Variants in SCN4A observed in about 807,000 individuals in gnomAD.
SCN4A encodes sodium channel protein type 4 subunit alpha.
A neutral mutation model predicts 162.0 loss-of-function variants in SCN4A; 83 were observed. That is an observed-to-expected ratio of 0.51 (90% CI 0.43 to 0.61). The LOEUF (loss-of-function observed/expected upper bound fraction) is 0.61. SCN4A is among the 20% of genes least tolerant of loss of function. SCN4A has a pLI of 0.00. For synonymous variants in SCN4A, 944 were observed against 985.1 expected, an observed-to-expected ratio of 0.96 and a Z score of 0.78; for missense variants, 2,196 against 2,462.5, an observed-to-expected ratio of 0.89 and a Z score of 2.29.
In SCN4A at chr17:63,972,209, T is replaced by C. The variant is rs1317709518; in HGVS notation, c.409A>G (p.Ile137Val). The C allele has an allele frequency of 1.2e-6, 2 of 1,613,416 alleles. No homozygotes were observed. Among genetic ancestry groups the C allele is most frequent in the Non-Finnish European group, 1.7e-6 (2 of 1,179,638 alleles). Reference sequence around the variant, plus strand: ...CAGTTGGTCAAGATGGTGATCATGATGAACATGCTGAACAGCGTGGGGCAG... The same window carrying C: ...CAGTTGGTCAAGATGGTGATCATGACGAACATGCTGAACAGCGTGGGGCAG... ...VLIHALFSMF[I>V]MITILTNCVF... The change falls in exon 3 of 24, where the codon ATC (isoleucine) becomes GTC (valine). Residue 137 changes from isoleucine to valine, a missense_variant. Ile to Val is a conservative substitution (Grantham distance 29). Coordinates refer to ENST00000435607, the MANE Select transcript of SCN4A (RefSeq NM_000334.4). This position sits in a 1 kb window ranked among gnomAD's most constrained non-coding sequence, Gnocchi z 4.3.
intron 13 of SCN4A, 122 bp downstream of exon 13, chr17:63,957,040 A>T: frequency 3.0e-6 from 2 of 665,178 alleles, no homozygotes; most frequent in Non-Finnish European, 5.2e-6. Context: ...CTACGGGGTT[A>T]AACCACATAA....
intron 8 of SCN4A, among the ~76,000 whole-genome samples, 163 bp from the exon 9 acceptor site, chr17:63,964,840 G>A (rs1909388892): frequency 6.6e-6 from 1 of 152,146 alleles, no homozygotes; most frequent in South Asian, 2.1e-4. Context: ...CCATGTTCTG[G>A]GGAACTTCAA....
chr17:63,949,183 C>T (rs1250601874), intron 15 of SCN4A, among the ~76,000 whole-genome samples: 2 of 152,230 alleles, frequency 1.3e-5, no homozygotes, highest in Non-Finnish European at 2.9e-5. Flanking sequence ...CACTCCTGCA[C>T]GTTGGCTCCA....
In SCN4A at chr17:63,968,369, G is replaced by A; in HGVS notation, c.704-14C>T. 1 of 1,574,310 alleles carries A rather than the reference G, an allele frequency of 6.4e-7. No individual in the cohort carries two copies. The highest frequency in any genetic ancestry group is 8.7e-7 in the Non-Finnish European group (1 of 1,156,064). On this transcript the variant is annotated splice_polypyrimidine_tract_variant and intron_variant, in intron 5 of 23. Coordinates refer to ENST00000435607, the MANE Select transcript of SCN4A (RefSeq NM_000334.4). Reference sequence around the variant, plus strand: ...TCGTCTTCAGCCCTGACCGCAGAGAGGGCAAGGATATTGGCAGGGGGCAGG... The same window carrying A: ...TCGTCTTCAGCCCTGACCGCAGAGAAGGCAAGGATATTGGCAGGGGGCAGG...
intron 13 of SCN4A, among the ~76,000 whole-genome samples, chr17:63,952,198 C>CT (rs566410650): frequency 2.6e-3 from 377 of 144,620 alleles, no homozygotes; most frequent in African/African-American, 3.7e-3. Flanking sequence ...CCTTTTTTTT[C>CT]TTTTTTTTTT....
chr17:63,968,307 G>A lies in SCN4A; in HGVS notation c.752C>T (p.Ser251Leu), dbSNP rs751884584. The A allele has an allele frequency of 2.2e-5, 36 of 1,610,488 alleles. No homozygotes were observed. The highest frequency in any genetic ancestry group is 4.0e-5 in the African/African-American group (3 of 74,856). Residue 251 changes from serine (S) to leucine (L), a missense_variant, in exon 6 of 24, where the codon TCG becomes TTG. Transcript: ENST00000435607. ...GALIQSVKKL[S>L]DVMILTVFCL... is the part of the protein sequence containing the mutation. ...GAAGACAGTGAGGATCATCACATCC[G>A]ACAGCTTTTTCACCGACTGGATCAG...
In SCN4A at chr17:63,947,622, C is replaced by T. The variant is rs576822776; in HGVS notation, c.3318+268G>A. Among the ~76,000 whole-genome samples, 9 of 152,336 alleles carry T rather than the reference C, an allele frequency of 5.9e-5. No individual in the cohort carries two copies. In the South Asian group the frequency reaches 1.9e-3, roughly 32 times the overall value. On this transcript the variant is annotated intron_variant, in intron 17 of 23. Transcript: ENST00000435607. ...TAAATAAAATGTATGAAGTAAGAAA[C>T]TCCTCCACTCCTATTGGCAGGGATG...
Position 63,964,633 on chromosome 17 carries a change from G to T in SCN4A, c.1287C>A (p.Val429=), listed in dbSNP as rs764529312. ...GGTAGAAAGAGCCCAGGAAGATGATGACCACGAAGAAGATCATGTAGGTCT... is the reference window on the plus strand; with the variant it reads ...GGTAGAAAGAGCCCAGGAAGATGATTACCACGAAGAAGATCATGTAGGTCT... ...AGKTYMIFFV[V]IIFLGSFYLI... Residue 429 remains valine, a synonymous_variant, in exon 9 of 24, where the codon GTC becomes GTA. Transcript: ENST00000435607. 2 of 1,612,494 alleles carry T rather than the reference G, an allele frequency of 1.2e-6. No homozygotes were observed. The highest frequency in any genetic ancestry group is 1.1e-5 in the South Asian group (1 of 90,768).
chr17:63,944,601 T>G lies in SCN4A; in HGVS notation c.3912+72A>C. Reference sequence around the variant, plus strand: ...AGGCAGCGTTTGTGGGTTTGTGCAATGGAGAGTGGACAAAGGAGGCAGGAG... The same window carrying G: ...AGGCAGCGTTTGTGGGTTTGTGCAAGGGAGAGTGGACAAAGGAGGCAGGAG... On this transcript the variant is annotated intron_variant, in intron 21 of 23. Transcript: ENST00000435607. This position sits in a 1 kb window ranked among gnomAD's most constrained non-coding sequence, Gnocchi z 4.3. 2.6e-6 allele frequency: 4 copies of G among 1,512,370 alleles called. No homozygotes were observed. Among genetic ancestry groups the G allele is most frequent in the Non-Finnish European group, 3.6e-6 (4 of 1,115,534 alleles). The allele number at this position is 1,512,370 out of a possible 1,614,324, so 93.7% of individuals were successfully genotyped here.
rs772552529 is a variant in SCN4A, at chr17:63,941,571, G to A, written c.4711C>T (p.Pro1571Ser). ...CAGAAGAAGCAGATGCCGATGGAGGGGTTGCCGCAGTCACCCTTGACACTG... is the reference window on the plus strand; with the variant it reads ...CAGAAGAAGCAGATGCCGATGGAGGAGTTGCCGCAGTCACCCTTGACACTG... ...GTSVKGDCGN[P>S]SIGICFFCSY... The change falls in exon 24 of 24, where the codon CCC becomes TCC. Residue 1571 changes from proline (P) to serine (S), a missense_variant. Physicochemically the swap from Pro to Ser is moderately conservative, Grantham distance 74 (BLOSUM62 -1). Transcript: ENST00000435607. This position sits in a 1 kb window ranked among gnomAD's most constrained non-coding sequence, Gnocchi z 6.2. 98 of 1,613,982 alleles carry A rather than the reference G, an allele frequency of 6.1e-5. 3 individuals are homozygous for A. The highest frequency in any genetic ancestry group is 4.3e-4 in the South Asian group (39 of 91,078).
At chr17:63,953,410 C>T (rs972516978) in intron 13 of SCN4A, among the ~76,000 whole-genome samples, 2 of 151,808 alleles carry the variant, frequency 1.3e-5, no homozygotes, top group Admixed American at 6.6e-5. Context: ...CCCATCAATA[C>T]AAGTAGAGCA....
Position 63,940,654 on chromosome 17 carries a change from C to G in SCN4A, c.*117G>C. The G allele has an allele frequency of 2.3e-6, 3 of 1,291,110 alleles. No individual in the cohort carries two copies. Among genetic ancestry groups the G allele is most frequent in the Non-Finnish European group, 3.1e-6 (3 of 955,540 alleles). 80.0% of individuals were successfully genotyped at this position (1,291,110 alleles called of 1,614,324 possible). A position where few individuals can be genotyped will look rare whatever the true frequency, so the allele number is the denominator to read the frequency against. ...AGTGTGGCCAAATCCTGTCCCCCAT[C>G]AGGGAGCCAGGCACAGTCCCAGATT... is the stretch of plus-strand genomic sequence containing the variant. On this transcript the variant is annotated 3_prime_UTR_variant, in exon 24 of 24. Coordinates refer to ENST00000435607, the MANE Select transcript of SCN4A (RefSeq NM_000334.4).
rs934752668 is a variant in SCN4A, at chr17:63,938,564, C to T, written c.*2207G>A. 2 of 152,622 alleles carry T rather than the reference C, an allele frequency of 1.3e-5. No homozygotes were observed. The highest frequency in any genetic ancestry group is 2.1e-4 in the South Asian group (1 of 4,830). 9.5% of individuals were successfully genotyped at this position (152,622 alleles called of 1,614,324 possible). A position where few individuals can be genotyped will look rare whatever the true frequency, so the allele number is the denominator to read the frequency against. On this transcript the variant is annotated 3_prime_UTR_variant, in exon 24 of 24. Coordinates refer to ENST00000435607, the MANE Select transcript of SCN4A (RefSeq NM_000334.4). ...GGGAGAAGCCACATACCAGAGGCAC[C>T]AAGGAGGGTTTATTGTAAGAACTGT... is the stretch of plus-strand genomic sequence containing the variant.
intron 10 of SCN4A, among the ~76,000 whole-genome samples, chr17:63,961,946 T>C (rs1194384493): frequency 2.0e-5 from 3 of 148,032 alleles, no homozygotes; most frequent in Non-Finnish European, 3.0e-5. Context: ...CCGCCCACAT[T>C]CCCAACTCCT....
In SCN4A at chr17:63,971,820, C is replaced by T; in HGVS notation, c.513G>A (p.Glu171=). Residue 171 remains glutamate, a synonymous_variant, in exon 4 of 24, where the codon GAG becomes GAA. Transcript: ENST00000435607. ...CTCGGGCCAGTATCTTGATGAGGGACTCAAAGGTGTAGATCCCTGTGAAGG... is the reference window on the plus strand; with the variant it reads ...CTCGGGCCAGTATCTTGATGAGGGATTCAAAGGTGTAGATCCCTGTGAAGG... The part of the protein sequence containing the change: ...EYTFTGIYTF[E]SLIKILARGF... The T allele has an allele frequency of 6.2e-7, 1 of 1,613,688 alleles. No individual in the cohort carries two copies.
In SCN4A at chr17:63,971,116, G is replaced by A. The variant is rs200926843; in HGVS notation, c.703+46C>T. On this transcript the variant is annotated intron_variant, in intron 5 of 23. Coordinates refer to ENST00000435607, the MANE Select transcript of SCN4A (RefSeq NM_000334.4). ...CAGGTTCCAGGCCTGCACATGGTAC[G>A]GGGGTCTCTCAGCTCAGGCAGAGGG... The A allele has an allele frequency of 8.6e-5, 108 of 1,251,542 alleles. No individual in the cohort carries two copies. The African/African-American group carries it at 1.1e-3, about 13-fold the overall frequency. 77.5% of individuals were successfully genotyped at this position (1,251,542 alleles called of 1,614,324 possible). A position where few individuals can be genotyped will look rare whatever the true frequency, so the allele number is the denominator to read the frequency against.
rs988170067 is a variant in SCN4A at position 63,950,097 on chromosome 17, C to T, written c.2854-569G>A. 2.0e-5 allele frequency among the ~76,000 whole-genome samples: 3 copies of T among 152,146 alleles called. No homozygotes were observed. Among genetic ancestry groups the T allele is most frequent in the African/African-American group, 7.2e-5 (3 of 41,444 alleles). On this transcript the variant is annotated intron_variant, in intron 14 of 23. Coordinates refer to ENST00000435607, the MANE Select transcript of SCN4A (RefSeq NM_000334.4). This position sits in a 1 kb window ranked among gnomAD's most constrained non-coding sequence, Gnocchi z 4.6. ...GCGGGAGTGGGGGAGGCGGGTGCTC[C>T]AGCCGGGCCAGGCTTCCTCCCACCT...
rs1340211283 is a variant in SCN4A at position 63,940,965 on chromosome 17, C to T, written c.5317G>A (p.Ala1773Thr). 2 of 1,613,454 alleles carry T rather than the reference C, an allele frequency of 1.2e-6. No homozygotes were observed. Among genetic ancestry groups the T allele is most frequent in the South Asian group, 2.2e-5 (2 of 91,066 alleles). ...CCATACATCTTGCTCATGGTGTTGG[C>T]AAGCAGCCCCTCCTTCTCAGGGGCG... Reference protein sequence around the residue: ...DDAPEKEGLLANTMSKMYGHE... With the variant: ...DDAPEKEGLLTNTMSKMYGHE... Residue 1773 changes from alanine (A) to threonine (T), a missense_variant, in exon 24 of 24, where the codon GCC becomes ACC. By Grantham distance (58) the Ala-to-Thr change is moderately conservative (BLOSUM62 0). Transcript: ENST00000435607.
chr17:63,966,599 A>G lies in SCN4A; in HGVS notation c.1037-55T>C, dbSNP rs1016810192. 14 of 1,364,780 alleles carry G rather than the reference A, an allele frequency of 1.0e-5. No individual in the cohort carries two copies. The Admixed American group carries it at 1.3e-4, about 13-fold the overall frequency. 84.5% of individuals were successfully genotyped at this position (1,364,780 alleles called of 1,614,324 possible). A position where few individuals can be genotyped will look rare whatever the true frequency, so the allele number is the denominator to read the frequency against. On this transcript the variant is annotated intron_variant, in intron 6 of 23. Transcript: ENST00000435607. Reference sequence around the variant, plus strand: ...AAGTCACCCACATGGACACAGTGTGAGCACCTGCGCCCATTGCACACCTGT... The same window carrying G: ...AAGTCACCCACATGGACACAGTGTGGGCACCTGCGCCCATTGCACACCTGT...
Sources: gnomAD v4.1 joint callset for allele counts (sites outside exome capture counted in the v4.1 genomes callset) on GRCh38, gnomAD v4.1.1 for gene constraint, Gnocchi (gnomAD v3.1) non-coding constraint, MANE v1.5 for transcripts, NCBI Gene and HGNC (gene_info 2026-07-23, HGNC 2026-07-21) for gene names.